The following SDK1 variants were observed in gnomAD, a reference collection of about 807,000 sequenced individuals.
The protein encoded by SDK1 is sidekick cell adhesion molecule 1.
Under a neutral mutation model 245.5 loss-of-function variants are expected in SDK1, and 157 were observed. The observed-to-expected ratio is 0.64, with a 90% CI of 0.56 to 0.73. SDK1 has a LOEUF of 0.73. Among genes scored for constraint, SDK1 ranks in the 30% least tolerant of loss-of-function variants. The pLI is 0.00. For missense variants in SDK1, 3,583 were observed against 3,002.3 expected, an observed-to-expected ratio of 1.19 and a Z score of -4.52; for synonymous variants, 1,647 against 1,278.5, an observed-to-expected ratio of 1.29 and a Z score of -6.15.
chr7:3,885,356 G>A (rs1456884452), intron 5 of SDK1, among the ~76,000 whole-genome samples: 1 of 152,170 alleles, frequency 6.6e-6, no homozygotes, highest in Non-Finnish European at 1.5e-5. Context: ...CGTGGGCTGT[G>A]GGGGCTGAAG....
chr7:4,052,809 G>T (rs1778953766), intron 19 of SDK1, among the ~76,000 whole-genome samples: 4 of 151,964 alleles, frequency 2.6e-5, no homozygotes, highest in Admixed American at 1.3e-4. Flanking sequence ...GAATAATTAG[G>T]GCCATGCAGT....
At chr7:3,799,011 TCTC>T (rs1215564890) in intron 4 of SDK1, among the ~76,000 whole-genome samples, 2 of 152,200 alleles carry the variant, frequency 1.3e-5, no homozygotes, top group African/African-American at 4.8e-5. Context: ...TAATTTGAAT[TCTC>T]CTGCAAGGAA....
intron 4 of SDK1, among the ~76,000 whole-genome samples, chr7:3,712,024 T>C (rs749311086): frequency 2.0e-4 from 30 of 152,178 alleles, no homozygotes; most frequent in Admixed American, 1.5e-3. Context: ...AGAACATGCA[T>C]GTGAAACGGT....
At chr7:3,368,505 A>C (rs1228421932) in intron 1 of SDK1, among the ~76,000 whole-genome samples, 5 of 152,136 alleles carry the variant, frequency 3.3e-5, no homozygotes, top group African/African-American at 1.2e-4. Context: ...ATGGAGTGAA[A>C]ATGATAACTT....
intron 1 of SDK1, among the ~76,000 whole-genome samples, chr7:3,574,511 A>G (rs1216813330): frequency 1.3e-5 from 2 of 152,038 alleles, no homozygotes; most frequent in African/African-American, 4.8e-5. Context: ...CGGGGCTAGC[A>G]TGCTTGTTGC....
At chr7:3,870,536 T>C (rs1445879508) in intron 5 of SDK1, among the ~76,000 whole-genome samples, 2 of 152,058 alleles carry the variant, frequency 1.3e-5, no homozygotes, top group African/African-American at 2.4e-5. Context: ...GAGGGAAGTC[T>C]CTAGCAGGTA....
At chr7:3,733,968 C>G (rs913677372) in intron 4 of SDK1, among the ~76,000 whole-genome samples, 5 of 152,168 alleles carry the variant, frequency 3.3e-5, no homozygotes, top group Non-Finnish European at 7.3e-5. Flanking sequence ...TTTCAAAAGG[C>G]TCCCAAGATG....
intron 25 of SDK1, among the ~76,000 whole-genome samples, chr7:4,116,691 G>A (rs1783733205): frequency 6.6e-6 from 1 of 152,228 alleles, no homozygotes; most frequent in Admixed American, 6.5e-5. Context: ...TCTTCTCAGA[G>A]GGCAGGAGGT....
chr7:3,802,071 G>C (rs1204096696), intron 4 of SDK1, among the ~76,000 whole-genome samples: 1 of 152,188 alleles, frequency 6.6e-6, no homozygotes, highest in Non-Finnish European at 1.5e-5. Flanking sequence ...ACAGAAGGTT[G>C]CAAAAACTAT....
chr7:3,679,306 C>A (rs1408477411), intron 4 of SDK1, among the ~76,000 whole-genome samples: 2 of 151,832 alleles, frequency 1.3e-5, no homozygotes, highest in Non-Finnish European at 2.9e-5. Context: ...GTGGCTCATG[C>A]CTGTAATCCC....
At chr7:3,897,393 T>A (rs1781639096) in intron 5 of SDK1, among the ~76,000 whole-genome samples, 3 of 152,104 alleles carry the variant, frequency 2.0e-5, no homozygotes, top group Non-Finnish European at 4.4e-5. Flanking sequence ...CACCCACCAT[T>A]GTACTTCCTG....
chr7:3,606,095 A>G (rs144309070), intron 1 of SDK1, among the ~76,000 whole-genome samples: 66 of 152,268 alleles, frequency 4.3e-4, no homozygotes, highest in Middle Eastern at 6.8e-3. Context: ...CAAACATCCT[A>G]AGTTCAACAC....
At position 4,095,825 on chromosome 7, in the gene SDK1, C is replaced by T. The variant is rs1483905629; in HGVS notation, c.3325-14838C>T. Among the ~76,000 whole-genome samples the T allele has an allele frequency of 4.6e-5, 7 of 152,206 alleles. No homozygotes were observed. In the East Asian group the frequency reaches 5.8e-4, roughly 13 times the overall value. ...TTGACCTCAGGTGATCTGCCCGCTTCGGCCTCCCAAAGTGCTGGCATTACA... is the reference window on the plus strand; with the variant it reads ...TTGACCTCAGGTGATCTGCCCGCTTTGGCCTCCCAAAGTGCTGGCATTACA... On this transcript the variant is annotated intron_variant, in intron 22 of 44. Coordinates refer to ENST00000404826, the MANE Select transcript of SDK1 (RefSeq NM_152744.4).
At chr7:4,186,114 A>C (rs1782881647) in intron 35 of SDK1, among the ~76,000 whole-genome samples, 1 of 152,188 alleles carries the variant, frequency 6.6e-6, no homozygotes, top group Admixed American at 6.5e-5. Context: ...ACAAAACGAA[A>C]CAAAATAGCA....
At chr7:3,655,271 T>C (rs1583276116) in intron 4 of SDK1, among the ~76,000 whole-genome samples, 1 of 150,796 alleles carries the variant, frequency 6.6e-6, no homozygotes, top group African/African-American at 2.4e-5. Flanking sequence ...CTGTCTCTAC[T>C]AAAAATACAA....
intron 1 of SDK1, among the ~76,000 whole-genome samples, chr7:3,417,332 C>T (rs1343983259): frequency 6.6e-6 from 1 of 152,190 alleles, no homozygotes. Flanking sequence ...CAGCCAGTTC[C>T]CCGACTCTTC....
chr7:3,985,384 G>A (rs551928058), intron 13 of SDK1, among the ~76,000 whole-genome samples: 6 of 152,318 alleles, frequency 3.9e-5, no homozygotes, highest in East Asian at 1.9e-4. Context: ...AGACCACACC[G>A]ATTCAGATTG....
At chr7:3,803,410 A>C (rs1182381342) in intron 4 of SDK1, among the ~76,000 whole-genome samples, 4 of 151,028 alleles carry the variant, frequency 2.6e-5, no homozygotes, top group African/African-American at 9.7e-5. Context: ...TCTGAAATTC[A>C]AGCAATTCTC....
At chr7:4,132,224 G>A (rs1562858495) in intron 27 of SDK1, 101 bp from the exon 28 acceptor site, 1 of 882,406 alleles carries the variant, frequency 1.1e-6, no homozygotes, top group Non-Finnish European at 1.8e-6. Context: ...GTAGCCTGTG[G>A]TAGTTACTGC....
Sources: allele counts gnomAD v4.1 joint callset (sites outside exome capture counted in the v4.1 genomes callset), GRCh38; gene constraint gnomAD v4.1.1; transcripts MANE v1.5; gene names NCBI Gene and HGNC (gene_info 2026-07-23, HGNC 2026-07-21).